The following SS18L1 variants were observed in gnomAD, a reference collection of about 807,000 sequenced individuals.
SS18L1 encodes SS18L1 subunit of BAF chromatin remodeling complex.
A neutral mutation model predicts 70.3 loss-of-function variants in SS18L1; 32 were observed. The observed-to-expected ratio is 0.46, with a 90% confidence interval of 0.34 to 0.61. The LOEUF is 0.61. Among genes scored for constraint, SS18L1 ranks in the 20% least tolerant of loss-of-function variants. SS18L1 has a pLI of 0.01. For synonymous variants in SS18L1, 237 were observed against 229.7 expected, an observed-to-expected ratio of 1.03 and a Z score of -0.29; for missense variants, 430 against 542.1, an observed-to-expected ratio of 0.79 and a Z score of 2.05.
At chr20:62,163,081 CTG>C (rs1199706621) in intron 5 of SS18L1, 150 bp downstream of exon 5, 1 of 1,080,488 alleles carries the variant, frequency 9.3e-7, no homozygotes, top group Non-Finnish European at 1.3e-6. Context: ...GCCGCTGCCT[CTG>C]AGAGCTTCCG....
chr20:62,173,674 C>T (rs137864338), intron 9 of SS18L1, among the ~76,000 whole-genome samples: 3 of 152,128 alleles, frequency 2.0e-5, no homozygotes, highest in African/African-American at 4.8e-5. Context: ...CACCACTACA[C>T]TTCAGCCTAG....
chr20:62,144,208 C>T (rs1416592628), intron 1 of SS18L1, among the ~76,000 whole-genome samples: 4 of 151,474 alleles, frequency 2.6e-5, no homozygotes, highest in Non-Finnish European at 5.9e-5. Context: ...CGCTGTCCCC[C>T]GAGTCCGCGG....
At chr20:62,164,478 C>T (rs1181893322) in intron 7 of SS18L1, among the ~76,000 whole-genome samples, 1 of 152,230 alleles carries the variant, frequency 6.6e-6, no homozygotes, top group East Asian at 1.9e-4. Context: ...GTGGCACACA[C>T]CGCTGCACTG....
intron 8 of SS18L1, 115 bp downstream of exon 8, chr20:62,165,629 A>C: frequency 2.1e-6 from 2 of 961,536 alleles, no homozygotes; most frequent in South Asian, 2.9e-5. Flanking sequence ...CTTAAATCAC[A>C]GCACAGCGCG....
chr20:62,172,617 G>C (rs1195593385), intron 8 of SS18L1, 65 bp from the exon 9 acceptor site: 1 of 1,607,016 alleles, frequency 6.2e-7, no homozygotes, highest in Non-Finnish European at 8.5e-7. Context: ...TCGTGAGTGG[G>C]CCACAGAATG....
chr20:62,150,633 A>AATT (rs1199902967), intron 1 of SS18L1, among the ~76,000 whole-genome samples: 1,510 of 58,050 alleles, frequency 0.026, 51 homozygotes, highest in Non-Finnish European at 0.04. Flanking sequence ...ATTGAGGTGG[A>AATT]TTTTTTTTTT....
Position 62,170,841 on chromosome 20 carries a change from C to T in SS18L1, c.917-1841C>T, listed in dbSNP as rs1376991895. ...CTGGCACTCTCACAGTTGTTGCATA[C>T]CTGCTGGGTGCCAGGGCAAAGCTGG... On this transcript the variant is annotated intron_variant, in intron 8 of 10. Transcript: ENST00000331758. 2.0e-5 allele frequency among the ~76,000 whole-genome samples: 3 copies of T among 152,114 alleles called. No individual in the cohort carries two copies. The East Asian group carries it at 5.8e-4, about 29-fold the overall frequency.
chr20:62,165,601 C>A, intron 8 of SS18L1, 87 bp downstream of exon 8: 1 of 1,281,472 alleles, frequency 7.8e-7, no homozygotes, highest in Non-Finnish European at 1.1e-6. Context: ...GCACGCGGTG[C>A]CTGCCTTCAG....
intron 5 of SS18L1, 135 bp downstream of exon 5, chr20:62,163,066 G>A: frequency 8.2e-7 from 1 of 1,218,232 alleles, no homozygotes. Context: ...CGTGAATCGG[G>A]GCTGGCCGCT....
intron 1 of SS18L1, among the ~76,000 whole-genome samples, chr20:62,148,840 A>C (rs116607821): frequency 4.3e-4 from 66 of 152,330 alleles, no homozygotes; most frequent in African/African-American, 1.5e-3. Flanking sequence ...GTGAGGACGC[A>C]TTTGGATAAA....
Position 62,158,868 on chromosome 20 carries a change from G to A in SS18L1, c.146+120G>A. 6.2e-7 allele frequency: 1 copy of A among 1,608,456 alleles called. No homozygotes were observed. The highest frequency in any genetic ancestry group is 1.3e-5 in the African/African-American group (1 of 74,914). ...ATCAGATAAGTCCCAGGAGTCCCCA[G>A]CACGGAGGCCAGATATGTCCCAGGA... is the stretch of plus-strand genomic sequence containing the variant. On this transcript the variant is annotated intron_variant, in intron 2 of 10. Coordinates refer to ENST00000331758, the MANE Select transcript of SS18L1 (RefSeq NM_198935.3). The surrounding 1 kb of genome is among the most constrained non-coding windows in gnomAD (Gnocchi z 4.5).
intron 1 of SS18L1, among the ~76,000 whole-genome samples, chr20:62,151,976 CGG>C (rs2057140997): frequency 7.1e-6 from 1 of 140,968 alleles, no homozygotes; most frequent in African/African-American, 2.7e-5. Flanking sequence ...CCTCTTTTCC[CGG>C]TCCCCAGGGC....
intron 8 of SS18L1, among the ~76,000 whole-genome samples, chr20:62,167,958 G>A (rs1402749549): frequency 6.7e-6 from 1 of 149,210 alleles, no homozygotes; most frequent in African/African-American, 2.5e-5. Flanking sequence ...TGGGACTAAA[G>A]GCATGCACCA....
chr20:62,160,754 A>G (rs1027277996), intron 3 of SS18L1, among the ~76,000 whole-genome samples: 1 of 152,036 alleles, frequency 6.6e-6, no homozygotes, highest in African/African-American at 2.4e-5. Context: ...TTGCGAGTAA[A>G]AATGTTAAAC....
chr20:62,179,515 G>A lies in SS18L1; in HGVS notation c.*307G>A, dbSNP rs763840375. The A allele has an allele frequency of 5.9e-5, 28 of 476,748 alleles. No homozygotes were observed. Among genetic ancestry groups the A allele is most frequent in the Non-Finnish European group, 1.0e-4 (27 of 260,814 alleles). The allele number at this position is 476,748 out of a possible 1,614,324, so 29.5% of individuals were successfully genotyped here. On this transcript the variant is annotated 3_prime_UTR_variant, in exon 11 of 11. Transcript: ENST00000331758. ...TCTAGCTAGCTTTGGGGGTCATTTT[G>A]TCATCAGAGCATTCTGTGCCCAGGG...
At chr20:62,170,428 C>G (rs917624260) in intron 8 of SS18L1, among the ~76,000 whole-genome samples, 28 of 152,226 alleles carry the variant, frequency 1.8e-4, no homozygotes, top group Non-Finnish European at 3.8e-4. Flanking sequence ...ATGGCGTGAA[C>G]CCCGGAGGCA....
chr20:62,144,410 C>T (rs1056542903), intron 1 of SS18L1, among the ~76,000 whole-genome samples: 2 of 152,224 alleles, frequency 1.3e-5, no homozygotes, highest in Non-Finnish European at 2.9e-5. Flanking sequence ...ACCGCGGGGA[C>T]TGTGGCCGGG....
intron 1 of SS18L1, among the ~76,000 whole-genome samples, chr20:62,145,057 T>C (rs1185105463): frequency 6.6e-6 from 1 of 152,262 alleles, no homozygotes; most frequent in Non-Finnish European, 1.5e-5. Flanking sequence ...AGAAATTTGA[T>C]GGTCTTAACA....
intron 1 of SS18L1, among the ~76,000 whole-genome samples, chr20:62,156,197 C>T (rs1351252886): frequency 1.3e-5 from 2 of 152,170 alleles, no homozygotes; most frequent in Admixed American, 6.5e-5. Flanking sequence ...AAATGCCCGC[C>T]GTGTCTAGTT....
Sources: gnomAD v4.1 joint callset for allele counts (sites outside exome capture counted in the v4.1 genomes callset) on GRCh38, gnomAD v4.1.1 for gene constraint, Gnocchi (gnomAD v3.1) non-coding constraint, MANE v1.5 for transcripts, NCBI Gene and HGNC (gene_info 2026-07-23, HGNC 2026-07-21) for gene names.